The following GPC6 variants were observed in gnomAD, a reference collection of about 807,000 sequenced individuals.
The protein encoded by GPC6 is glypican 6.
Under a neutral mutation model 55.2 loss-of-function variants are expected in GPC6, and 14 were observed. The observed-to-expected ratio is 0.25, with a 90% CI of 0.17 to 0.40. The LOEUF is 0.40. GPC6 is among the 10% of genes least tolerant of loss of function. The pLI is 1.00. For synonymous variants in GPC6, 278 were observed against 259.6 expected, an observed-to-expected ratio of 1.07 and a Z score of -0.68; for missense variants, 641 against 708.5, an observed-to-expected ratio of 0.90 and a Z score of 1.08.
chr13:93,510,328 C>G (rs780517656), intron 1 of GPC6, among the ~76,000 whole-genome samples: 1 of 152,074 alleles, frequency 6.6e-6, no homozygotes, highest in East Asian at 1.9e-4. Flanking sequence ...CCCAAATCAG[C>G]CTTCTCAGTC....
chr13:93,268,644 G>A (rs928474590), intron 1 of GPC6, among the ~76,000 whole-genome samples: 1 of 152,136 alleles, frequency 6.6e-6, no homozygotes, highest in Non-Finnish European at 1.5e-5. Flanking sequence ...TGTTAGTGCT[G>A]TTTGCTGCAT....
At chr13:93,394,398 A>T (rs1020888865) in intron 1 of GPC6, among the ~76,000 whole-genome samples, 2 of 152,318 alleles carry the variant, frequency 1.3e-5, no homozygotes, top group Non-Finnish European at 2.9e-5. Flanking sequence ...AAGGAACTGG[A>T]ACCTTGGTGA....
intron 2 of GPC6, among the ~76,000 whole-genome samples, chr13:93,627,449 G>C (rs1415981838): frequency 6.6e-6 from 1 of 152,102 alleles, no homozygotes; most frequent in Non-Finnish European, 1.5e-5. Flanking sequence ...CTGCCCCCAT[G>C]ATCCAGTCAC....
intron 2 of GPC6, among the ~76,000 whole-genome samples, chr13:93,641,736 G>A (rs1879952973): frequency 6.6e-6 from 1 of 151,920 alleles, no homozygotes; most frequent in African/African-American, 2.4e-5. Flanking sequence ...TTGGACCCCA[G>A]CATATTAGTA....
At chr13:94,056,411 TAAG>T (rs1235678802) in intron 4 of GPC6, among the ~76,000 whole-genome samples, 1 of 152,138 alleles carries the variant, frequency 6.6e-6, no homozygotes, top group Admixed American at 6.6e-5. Context: ...AATAAATAAT[TAAG>T]AAATTATGCA....
chr13:93,676,124 AAAATATATATATATATATAT>A lies in GPC6; in HGVS notation c.319+130705_319+130724del, dbSNP rs1460355574. Among the ~76,000 whole-genome samples, 16 of 9,784 alleles carry A rather than the reference AAAATATATATATATATATAT, an allele frequency of 1.6e-3. 1 individual carries two copies. Among genetic ancestry groups the A allele is most frequent in the East Asian group, 0.013 (11 of 852 alleles). 6.4% of individuals were successfully genotyped at this position (9,784 alleles called of 152,430 possible). On this transcript the variant is annotated intron_variant, in intron 2 of 8. Coordinates refer to ENST00000377047, the MANE Select transcript of GPC6 (RefSeq NM_005708.5). ...TTTCTACTAAAAAAAAAAAAAAAAA[AAAATATATATATATATATAT>A]ATATATATATATATATATATATATA...
chr13:94,390,022 T>A (rs1880576492), intron 7 of GPC6, among the ~76,000 whole-genome samples: 2 of 152,158 alleles, frequency 1.3e-5, no homozygotes, highest in Non-Finnish European at 2.9e-5. Flanking sequence ...CCCAAGGAAA[T>A]CCTTCCCAAG....
chr13:93,349,498 T>C (rs1880552662), intron 1 of GPC6, among the ~76,000 whole-genome samples: 2 of 152,160 alleles, frequency 1.3e-5, no homozygotes, highest in Admixed American at 1.3e-4. Flanking sequence ...ATTATTTTAA[T>C]ATAATCTCCG....
At chr13:94,082,066 C>A (rs1885120522) in intron 4 of GPC6, among the ~76,000 whole-genome samples, 1 of 152,048 alleles carries the variant, frequency 6.6e-6, no homozygotes, top group Non-Finnish European at 1.5e-5. Flanking sequence ...TTCTTGAACT[C>A]CTGACCTCAG....
chr13:94,195,054 T>C (rs1889526892), intron 4 of GPC6, among the ~76,000 whole-genome samples: 1 of 152,210 alleles, frequency 6.6e-6, no homozygotes, highest in African/African-American at 2.4e-5. Flanking sequence ...GTTTTATTCT[T>C]TTCAAAATAA....
chr13:93,640,088 T>A (rs1000374025), intron 2 of GPC6, among the ~76,000 whole-genome samples: 3 of 152,158 alleles, frequency 2.0e-5, no homozygotes, highest in Non-Finnish European at 4.4e-5. Context: ...TTATCAAAAT[T>A]AAAAATATCT....
chr13:94,257,344 C>T (rs1371100247), intron 4 of GPC6, among the ~76,000 whole-genome samples: 1 of 152,174 alleles, frequency 6.6e-6, no homozygotes. Context: ...ATATGAAGAA[C>T]AGCAAATCTG....
At chr13:93,767,140 G>C (rs1885151316) in intron 2 of GPC6, among the ~76,000 whole-genome samples, 1 of 151,992 alleles carries the variant, frequency 6.6e-6, no homozygotes, top group African/African-American at 2.4e-5. Flanking sequence ...TATAGGACTG[G>C]GAAGCTACTG....
chr13:94,378,526 G>C (rs1377374292), intron 6 of GPC6, among the ~76,000 whole-genome samples: 1 of 152,082 alleles, frequency 6.6e-6, no homozygotes, highest in Non-Finnish European at 1.5e-5. Flanking sequence ...CTTCCTAATA[G>C]AGTCAAGTGT....
chr13:94,148,946 G>A (rs1887647537), intron 4 of GPC6, among the ~76,000 whole-genome samples: 1 of 145,664 alleles, frequency 6.9e-6, no homozygotes, highest in Admixed American at 6.7e-5. Context: ...AACTTAGCAT[G>A]ATGCCTAACA....
intron 2 of GPC6, among the ~76,000 whole-genome samples, chr13:93,596,680 A>G (rs1393492753): frequency 6.8e-6 from 1 of 147,166 alleles, no homozygotes; most frequent in Non-Finnish European, 1.5e-5. Context: ...ATACACTTAT[A>G]TAAGTGTGTA....
intron 1 of GPC6, among the ~76,000 whole-genome samples, chr13:93,422,403 C>A (rs537909608): frequency 2.0e-5 from 3 of 152,264 alleles, no homozygotes; most frequent in South Asian, 4.1e-4. Context: ...AGATTAAACA[C>A]CCACATAATT....
rs200083364 is a variant in GPC6 at position 93,392,915 on chromosome 13, AT to A, written c.161-152344del. Among the ~76,000 whole-genome samples the A allele has an allele frequency of 3.8e-3, 574 of 152,142 alleles. 14 individuals are homozygous for A. In the East Asian group the frequency reaches 0.057, roughly 15 times the overall value. ...CATGCCTTAAAATCTAAACCCGTGT[AT>A]TTTAAGCAAATATTGATTGTTTTTC... On this transcript the variant is annotated intron_variant, in intron 1 of 8. Coordinates refer to ENST00000377047, the MANE Select transcript of GPC6 (RefSeq NM_005708.5).
intron 4 of GPC6, among the ~76,000 whole-genome samples, chr13:94,169,158 A>G (rs1390383688): frequency 6.6e-6 from 1 of 152,220 alleles, no homozygotes; most frequent in East Asian, 1.9e-4. Flanking sequence ...ATAGGAAACA[A>G]CGTTTGCAAT....
Sources: allele counts gnomAD v4.1 joint callset (sites outside exome capture counted in the v4.1 genomes callset), GRCh38; gene constraint gnomAD v4.1.1; transcripts MANE v1.5; gene names NCBI Gene and HGNC (gene_info 2026-07-23, HGNC 2026-07-21).